DGAT2L6: variants seen among roughly 807,000 people sequenced by gnomAD.
The protein encoded by DGAT2L6 is diacylglycerol O-acyltransferase 2-like protein 6.
DGAT2L6 carries 22 observed loss-of-function variants against 25.5 expected under a neutral mutation model. That is an observed-to-expected ratio of 0.86 (90% CI 0.62 to 1.23). DGAT2L6 has a LOEUF of 1.23. Ranked by LOEUF, DGAT2L6 falls within the 50% of genes most tolerant of loss-of-function variation. The pLI is 0.00. For synonymous variants in DGAT2L6, 100 were observed against 94.7 expected (o/e 1.06, Z -0.32); for missense variants, 287 against 253.2 (o/e 1.13, Z -0.91).
In DGAT2L6 at chrX:70,202,003, G is replaced by C; in HGVS notation, c.586G>C (p.Gly196Arg). 8.3e-7 allele frequency: 1 copy of C among 1,209,435 alleles called. No individual in the cohort carries two copies. Among genetic ancestry groups the C allele is most frequent in the East Asian group, 3.0e-5 (1 of 33,660 alleles). The stretch of plus-strand genomic sequence containing the variant: ...TGCTGAAGCTCTCTTGTGCCGACCA[G>C]GAGCCTCCACTCTCTTCCTCAAGCA... ...GAAEALLCRPGASTLFLKQRK... is the reference protein window; with the variant it reads ...GAAEALLCRPRASTLFLKQRK... Residue 196 changes from glycine to arginine, a missense_variant, in exon 5 of 7, where the codon GGA becomes CGA. Transcript: ENST00000333026.
chrX:70,178,459 TG>T (rs1193634472), intron 1 of DGAT2L6, among the ~76,000 whole-genome samples: 4 of 111,278 alleles, frequency 3.6e-5, no homozygotes, highest in African/African-American at 1.3e-4. Flanking sequence ...GTTGTTGAGA[TG>T]AAGTTTCACT....
At chrX:70,195,404 A>T (rs1288582076) in intron 1 of DGAT2L6, among the ~76,000 whole-genome samples, 2 of 110,756 alleles carry the variant, frequency 1.8e-5, no homozygotes, top group Non-Finnish European at 3.8e-5. Flanking sequence ...ATTATTAGTA[A>T]TAGCCAAGAC....
At chrX:70,182,905 C>T (rs1214766924) in intron 1 of DGAT2L6, among the ~76,000 whole-genome samples, 2 of 111,901 alleles carry the variant, frequency 1.8e-5, no homozygotes, top group Non-Finnish European at 3.8e-5. Context: ...ATCCGCCTGC[C>T]TCGGCCTCCC....
At chrX:70,200,161 A>G in intron 3 of DGAT2L6, 94 bp from the exon 4 acceptor site, 1 of 901,667 alleles carries the variant, frequency 1.1e-6, no homozygotes, top group Admixed American at 2.4e-5. Context: ...TGGGGCTCCC[A>G]GAGGGAAACA....
chrX:70,180,518 T>G (rs2085340283), intron 1 of DGAT2L6, among the ~76,000 whole-genome samples: 1 of 111,617 alleles, frequency 9.0e-6, no homozygotes, highest in Non-Finnish European at 1.9e-5. Context: ...TTCACCTTCA[T>G]TTTTAAAAGT....
At chrX:70,185,906 T>C (rs1396528756) in intron 1 of DGAT2L6, among the ~76,000 whole-genome samples, 2 of 108,981 alleles carry the variant, frequency 1.8e-5, no homozygotes. Flanking sequence ...TCTGAAGGCA[T>C]TGAGCCAACT....
At position 70,204,488 on chromosome X, in the gene DGAT2L6, G is replaced by A; in HGVS notation, c.831G>A (p.Leu277=). 8.3e-7 allele frequency: 1 copy of A among 1,210,973 alleles called. No homozygotes were observed. The highest frequency in any genetic ancestry group is 1.1e-6 in the Non-Finnish European group (1 of 895,484). ...RGFTRGSWGF[L]PFNRPITTVV... is the part of the protein sequence containing the mutation. ...TCACTCGCGGATCCTGGGGCTTCCTGCCTTTCAATCGGCCCATTACCACTG... is the reference window on the plus strand; with the variant it reads ...TCACTCGCGGATCCTGGGGCTTCCTACCTTTCAATCGGCCCATTACCACTG... Residue 277 remains leucine, a synonymous_variant, in exon 6 of 7, where the codon CTG becomes CTA. Transcript: ENST00000333026.
chrX:70,193,339 A>G (rs757074310), intron 1 of DGAT2L6, among the ~76,000 whole-genome samples: 38 of 110,573 alleles, frequency 3.4e-4, no homozygotes, highest in Non-Finnish European at 6.2e-4. Context: ...ATTAATGTCA[A>G]TCCTTCTCCA....
chrX:70,204,681 T>C (rs2085422684), intron 6 of DGAT2L6, among the ~76,000 whole-genome samples, 165 bp downstream of exon 6: 2 of 111,891 alleles, frequency 1.8e-5, no homozygotes, highest in Admixed American at 1.9e-4. Flanking sequence ...GTTGTGGCCA[T>C]TCATGGATGT....
At position 70,202,255 on chromosome X, in the gene DGAT2L6, T is replaced by C. The variant is rs936552863; in HGVS notation, c.647+191T>C. 6.2e-5 allele frequency among the ~76,000 whole-genome samples: 7 copies of C among 112,139 alleles called. No individual in the cohort carries two copies. In the East Asian group the frequency reaches 1.4e-3, roughly 23 times the overall value. On this transcript the variant is annotated intron_variant, in intron 5 of 6. Transcript: ENST00000333026. ...GATACATTTCAGTGGGCACTTTTCTTACTTGAAGTTGGAGAAAGAACAGCA... is the reference window on the plus strand; with the variant it reads ...GATACATTTCAGTGGGCACTTTTCTCACTTGAAGTTGGAGAAAGAACAGCA...
At position 70,199,311 on chromosome X, in the gene DGAT2L6, C is replaced by A. The variant is rs1417492572; in HGVS notation, c.126C>A (p.Phe42Leu). 1 of 1,194,750 alleles carries A rather than the reference C, an allele frequency of 8.4e-7. No individual in the cohort carries two copies. The change falls in exon 2 of 7, where the codon TTC (phenylalanine) becomes TTA (leucine). Residue 42 changes from phenylalanine to leucine, a missense_variant. Transcript: ENST00000333026. The stretch of plus-strand genomic sequence containing the variant: ...TCCTTATACCCTACTTTCTGTTATT[C>A]AGTAAGTTCTGGCCCTTGGCTGTGC... ...PILLIPYFLL[F>L]SKFWPLAVLS...
chrX:70,181,251 G>A (rs2085342311), intron 1 of DGAT2L6, among the ~76,000 whole-genome samples: 1 of 112,276 alleles, frequency 8.9e-6, no homozygotes, highest in Admixed American at 9.4e-5. Flanking sequence ...CCATCCCAAT[G>A]GGTGTGAGAT....
In DGAT2L6 at chrX:70,204,987, C is replaced by A. The variant is rs373236459; in HGVS notation, c.895C>A (p.Pro299Thr). 2 of 1,195,446 alleles carry A rather than the reference C, an allele frequency of 1.7e-6. No homozygotes were observed. The highest frequency in any genetic ancestry group is 2.3e-5 in the Admixed American group (1 of 42,884). The change falls in exon 7 of 7, where the codon CCA (proline) becomes ACA (threonine). Residue 299 changes from proline (P) to threonine (T), a missense_variant. Transcript: ENST00000333026. ...EPLPIPRIKRPNQKTVDKYHA... is the reference protein window; with the variant it reads ...EPLPIPRIKRTNQKTVDKYHA... ...CCTTCCAATTCCCAGGATTAAGAGG[C>A]CAAACCAGAAGACAGTAGACAAGTA...
intron 4 of DGAT2L6, among the ~76,000 whole-genome samples, chrX:70,201,325 G>C (rs2085409580): frequency 8.9e-6 from 1 of 112,276 alleles, no homozygotes; most frequent in Admixed American, 9.4e-5. Context: ...AGTGAGAAAG[G>C]CTAGATGATT....
At chrX:70,201,072 T>G (rs1873327072) in intron 4 of DGAT2L6, among the ~76,000 whole-genome samples, 1 of 111,968 alleles carries the variant, frequency 8.9e-6, no homozygotes, top group African/African-American at 3.2e-5. Context: ...TGTCTCTCTC[T>G]CTGGACAAAT....
Position 70,201,870 on chromosome X carries a change from T to G in DGAT2L6, c.473-20T>G. On this transcript the variant is annotated intron_variant, in intron 4 of 6. Transcript: ENST00000333026. ...CTCAGGAATGAAGTTTTTCTACCACTTGACTCTTTGGTTTCACAGGTGTGT... is the reference window on the plus strand; with the variant it reads ...CTCAGGAATGAAGTTTTTCTACCACGTGACTCTTTGGTTTCACAGGTGTGT... The G allele has an allele frequency of 8.7e-7, 1 of 1,149,034 alleles. No individual in the cohort carries two copies. The highest frequency in any genetic ancestry group is 1.2e-6 in the Non-Finnish European group (1 of 866,509). 94.7% of individuals were successfully genotyped at this position (1,149,034 alleles called of 1,213,427 possible).
At chrX:70,177,719 G>T in intron 1 of DGAT2L6, 52 bp downstream of exon 1, 1 of 1,053,241 alleles carries the variant, frequency 9.5e-7, no homozygotes, top group South Asian at 1.9e-5. Flanking sequence ...CCAAAAGAGT[G>T]GCCAATCTCC....
rs2085405576 is a variant in DGAT2L6, at chrX:70,200,305, T to C, written c.318T>C (p.Asn106=). 1 of 1,209,609 alleles carries C rather than the reference T, an allele frequency of 8.3e-7. No homozygotes were observed. Among genetic ancestry groups the C allele is most frequent in the African/African-American group, 1.8e-5 (1 of 57,075 alleles). ...LSPKHNYIIA[N]HPHGILSFGV... is the part of the protein sequence containing the mutation. ...CCAAACACAACTACATCATTGCCAA[T>C]CACCCCCATGGCATTCTCTCTTTTG... The change falls in exon 4 of 7, where the codon AAT becomes AAC. Residue 106 remains asparagine, a synonymous_variant. Transcript: ENST00000333026.
intron 4 of DGAT2L6, among the ~76,000 whole-genome samples, chrX:70,201,449 T>A (rs764997552): frequency 6.3e-5 from 7 of 111,603 alleles, no homozygotes; most frequent in Non-Finnish European, 1.1e-4. Context: ...TTGGCTTCCC[T>A]TTGGCAGGTT....
Sources: gnomAD v4.1 joint callset for allele counts (sites outside exome capture counted in the v4.1 genomes callset) on GRCh38, gnomAD v4.1.1 for gene constraint, MANE v1.5 for transcripts, NCBI Gene and HGNC (gene_info 2026-07-23, HGNC 2026-07-21) for gene names.